The following FLAD1 variants were observed in gnomAD, a reference collection of about 807,000 sequenced individuals.
The protein encoded by FLAD1 is flavin adenine dinucleotide synthetase 1.
In FLAD1, 35 loss-of-function variants were observed where a neutral mutation model predicts 55.0. The ratio of observed to expected loss-of-function variants is 0.64; its 90% confidence interval spans 0.49 to 0.84. FLAD1 has a LOEUF of 0.84. Among genes scored for constraint, FLAD1 ranks in the 40% least tolerant of loss-of-function variants. The pLI, the probability that FLAD1 is intolerant of heterozygous loss-of-function variation, is 0.00. For missense variants in FLAD1, 665 were observed against 742.6 expected, an observed-to-expected ratio of 0.90 and a Z score of 1.21; for synonymous variants, 267 against 303.0, an observed-to-expected ratio of 0.88 and a Z score of 1.23.
intron 1 of FLAD1, among the ~76,000 whole-genome samples, chr1:154,985,788 C>T (rs1309419252): frequency 8.4e-5 from 12 of 142,648 alleles, no homozygotes; most frequent in African/African-American, 2.9e-4. Context: ...TGCAATGGCT[C>T]GATCTTGGCT....
intron 5 of FLAD1, among the ~76,000 whole-genome samples, chr1:154,992,399 C>T (rs1038913686): frequency 4.6e-5 from 7 of 151,724 alleles, no homozygotes; most frequent in Non-Finnish European, 5.9e-5. Flanking sequence ...GCCAAGACCA[C>T]GCCACTGCAC....
intron 1 of FLAD1, among the ~76,000 whole-genome samples, chr1:154,985,031 ATTTTTTTTTTTTTTTTTTTT>A (rs749772991): frequency 3.1e-5 from 1 of 32,552 alleles, no homozygotes; most frequent in Admixed American, 5.2e-4. Flanking sequence ...CACCTGGCTA[ATTTTTTTTTTTTTTTTTTTT>A]TTTTTTTTTT....
intron 1 of FLAD1, chr1:154,987,453 C>T (rs558538057): frequency 5.5e-4 from 86 of 155,064 alleles, no homozygotes; most frequent in Middle Eastern, 6.8e-3. Flanking sequence ...TTTGAACTTT[C>T]TTCTGTATAC....
At chr1:154,986,364 C>G (rs1657605889) in intron 1 of FLAD1, among the ~76,000 whole-genome samples, 1 of 152,104 alleles carries the variant, frequency 6.6e-6, no homozygotes, top group Non-Finnish European at 1.5e-5. Context: ...CTACAGGCGC[C>G]CGCCACCACG....
chr1:154,986,704 C>CCTCTTT (rs1657626991), intron 1 of FLAD1, among the ~76,000 whole-genome samples: 4 of 91,700 alleles, frequency 4.4e-5, no homozygotes, highest in Admixed American at 1.1e-4. Flanking sequence ...GCCCCCCACC[C>CCTCTTT]TTTTTTTTTT....
chr1:154,986,704 C>CCCTT (rs1657626991), intron 1 of FLAD1, among the ~76,000 whole-genome samples: 10 of 91,724 alleles, frequency 1.1e-4, no homozygotes, highest in African/African-American at 4.0e-4. Context: ...GCCCCCCACC[C>CCCTT]TTTTTTTTTT....
chr1:154,987,075 T>C lies in FLAD1; in HGVS notation c.373-1030T>C, dbSNP rs1657649130. 4.0e-5 allele frequency among the ~76,000 whole-genome samples: 6 copies of C among 151,544 alleles called. No homozygotes were observed. The South Asian group carries it at 1.0e-3, about 26-fold the overall frequency. On this transcript the variant is annotated intron_variant, in intron 1 of 6. Coordinates refer to ENST00000292180, the MANE Select transcript of FLAD1 (RefSeq NM_025207.5). ...GTGACAGGGTCCCTGTCACCCAGGC[T>C]GGAGTACAGTGGCATGATCTCGGCT...
chr1:154,987,185 G>A (rs1267025097), intron 1 of FLAD1, among the ~76,000 whole-genome samples: 2 of 151,918 alleles, frequency 1.3e-5, no homozygotes, highest in Non-Finnish European at 2.9e-5. Context: ...GCGCCACCAC[G>A]CCCCGCTAAT....
chr1:154,989,829 A>T (rs1657785740), intron 3 of FLAD1, 122 bp downstream of exon 3: 1 of 1,087,184 alleles, frequency 9.2e-7, no homozygotes, highest in East Asian at 2.5e-5. Flanking sequence ...GTGACCTCTC[A>T]GTTCCATTCT....
intron 6 of FLAD1, 53 bp downstream of exon 6, chr1:154,992,839 TAGGG>T (rs762374117): frequency 2.9e-5 from 46 of 1,613,956 alleles, no homozygotes; most frequent in Non-Finnish European, 3.9e-5. Flanking sequence ...GGTGCTGGGA[TAGGG>T]AGGGCCAATA....
intron 5 of FLAD1, 84 bp downstream of exon 5, chr1:154,990,612 G>T: frequency 7.4e-7 from 1 of 1,343,716 alleles, no homozygotes. Context: ...TAGTGGGGAG[G>T]CTAGAGCCTG....
Position 154,983,626 on chromosome 1 carries a change from T to G in FLAD1, c.-69T>G. ...GACCAGCTCAGCAAACGGAAGACACTTAAAGTGGTAGGTTCTCAAGAGAGA... is the reference window on the plus strand; with the variant it reads ...GACCAGCTCAGCAAACGGAAGACACGTAAAGTGGTAGGTTCTCAAGAGAGA... On this transcript the variant is annotated 5_prime_UTR_variant, in exon 1 of 7. Transcript: ENST00000292180. 1 of 1,512,802 alleles carries G rather than the reference T, an allele frequency of 6.6e-7. No individual in the cohort carries two copies. Among genetic ancestry groups the G allele is most frequent in the African/African-American group, 1.4e-5 (1 of 72,088 alleles). The allele number at this position is 1,512,802 out of a possible 1,614,324, so 93.7% of individuals were successfully genotyped here.
intron 1 of FLAD1, among the ~76,000 whole-genome samples, chr1:154,986,129 C>T (rs1657593213): frequency 6.6e-6 from 1 of 151,946 alleles, no homozygotes; most frequent in Non-Finnish European, 1.5e-5. Flanking sequence ...ACCTCTGCCT[C>T]CTAGGTTCAG....
chr1:154,991,809 G>A (rs765124184), intron 5 of FLAD1, among the ~76,000 whole-genome samples: 11 of 151,766 alleles, frequency 7.2e-5, no homozygotes, highest in Non-Finnish European at 1.5e-4. Flanking sequence ...CCATGATCAT[G>A]CCAGTGCACT....
At chr1:154,992,158 A>AT (rs1657902385) in intron 5 of FLAD1, among the ~76,000 whole-genome samples, 1 of 136,866 alleles carries the variant, frequency 7.3e-6, no homozygotes, top group Non-Finnish European at 1.6e-5. Flanking sequence ...AAAAAAAAAA[A>AT]ATAGGGCCGG....
Position 154,990,259 on chromosome 1 carries a change from T to G in FLAD1, c.1364+2T>G. 6.2e-7 allele frequency: 1 copy of G among 1,613,934 alleles called. No homozygotes were observed. Among genetic ancestry groups the G allele is most frequent in the Non-Finnish European group, 8.5e-7 (1 of 1,179,830 alleles). On this transcript the variant is annotated splice_donor_variant, in intron 4 of 6. Transcript: ENST00000292180. LOFTEE classifies it high-confidence loss of function. ...GTTTCTACAGGACACTATCAAGAGG[T>G]ACTAGGGGCCTGGAGGTTTGGGCTC...
rs1422000519 is a variant in FLAD1, at chr1:154,988,100, C to T, written c.373-5C>T. On this transcript the variant is annotated splice_polypyrimidine_tract_variant and splice_region_variant and intron_variant, in intron 1 of 6. Transcript: ENST00000292180. ...GATGGCCTCATCTTCCCCTTCAACC[C>T]CCAGGGACACACTCAGGACACCAAC... The T allele has an allele frequency of 9.9e-6, 16 of 1,614,200 alleles. No homozygotes were observed. The highest frequency in any genetic ancestry group is 3.3e-4 in the Middle Eastern group (2 of 6,062).
In FLAD1 at chr1:154,988,400, T is replaced by G; in HGVS notation, c.668T>G (p.Val223Gly). The change falls in exon 2 of 7, where the codon GTG (valine) becomes GGG (glycine). Residue 223 changes from valine to glycine, a missense_variant. Val to Gly is a moderately radical substitution (Grantham distance 109, BLOSUM62 -3). Coordinates refer to ENST00000292180, the MANE Select transcript of FLAD1 (RefSeq NM_025207.5). ...GGEGWEKLSL[V>G]PSSARLHYGT... ...GAAGGCTGGGAGAAGCTATCATTGG[T>G]GCCCTCCTCTGCCCGCCTGCATTAT... The G allele has an allele frequency of 6.2e-7, 1 of 1,614,186 alleles. No homozygotes were observed.
Position 154,988,152 on chromosome 1 carries a change from C to T in FLAD1, c.420C>T (p.Arg140=), listed in dbSNP as rs556272462. The change falls in exon 2 of 7, where the codon CGC becomes CGT. Residue 140 remains arginine, a synonymous_variant. Transcript: ENST00000292180. ...CCTTCTTTCTGTGCCGGACACTGCG[C>T]TCCCTAGGGGTCCAGGTTTGCCGAG... ...TNTFFLCRTL[R]SLGVQVCRVS... 5 of 1,614,132 alleles carry T rather than the reference C, an allele frequency of 3.1e-6. No individual in the cohort carries two copies. In the South Asian group the frequency reaches 5.5e-5, roughly 18 times the overall value.
Sources: gnomAD v4.1 joint callset for allele counts (sites outside exome capture counted in the v4.1 genomes callset) on GRCh38, gnomAD v4.1.1 for gene constraint, MANE v1.5 for transcripts, NCBI Gene and HGNC (gene_info 2026-07-23, HGNC 2026-07-21) for gene names.